RAB3B: variants seen among roughly 807,000 people sequenced by gnomAD.
RAB3B encodes the protein ras-related protein Rab-3B.
Under a neutral mutation model 20.5 loss-of-function variants are expected in RAB3B, and 11 were observed. The observed-to-expected ratio is 0.54, with a 90% CI of 0.34 to 0.89. RAB3B has a LOEUF of 0.89. Among genes scored for constraint, RAB3B ranks in the 40% least tolerant of loss-of-function variants. The pLI is 0.02. For synonymous variants in RAB3B, 99 were observed against 106.3 expected (o/e 0.93, Z 0.42); for missense variants, 225 against 280.9 (o/e 0.80, Z 1.42).
intron 2 of RAB3B, among the ~76,000 whole-genome samples, chr1:51,951,512 T>C (rs1238907270): frequency 1.3e-5 from 2 of 152,200 alleles, no homozygotes; most frequent in African/African-American, 4.8e-5. Flanking sequence ...TCATTGTCAC[T>C]ACTGATTTAC....
chr1:51,935,015 C>T (rs1240184800), intron 3 of RAB3B, among the ~76,000 whole-genome samples: 3 of 152,106 alleles, frequency 2.0e-5, no homozygotes, highest in Non-Finnish European at 1.5e-5. Context: ...ACACCTATTA[C>T]ACTTGGCTGA....
chr1:51,943,140 T>C (rs1408315047), intron 2 of RAB3B, among the ~76,000 whole-genome samples: 2 of 152,074 alleles, frequency 1.3e-5, no homozygotes, highest in African/African-American at 4.8e-5. Context: ...TCATAGCACT[T>C]TGGGAGGCCG....
chr1:51,981,958 TG>T (rs1557978661), intron 1 of RAB3B, among the ~76,000 whole-genome samples: 1 of 152,214 alleles, frequency 6.6e-6, no homozygotes, highest in Admixed American at 6.6e-5. Context: ...CACTTTTTAT[TG>T]TTATTTTAGA....
chr1:51,983,381 C>T (rs1041318565), intron 1 of RAB3B, among the ~76,000 whole-genome samples: 1 of 151,982 alleles, frequency 6.6e-6, no homozygotes, highest in African/African-American at 2.4e-5. Flanking sequence ...TGTTTAGCTA[C>T]ACAAATACTT....
intron 1 of RAB3B, among the ~76,000 whole-genome samples, chr1:51,983,845 AGCTAGTCAGGAG>A (rs1421543134): frequency 6.6e-6 from 1 of 151,930 alleles, no homozygotes; most frequent in Non-Finnish European, 1.5e-5. Context: ...CTGTAATTCC[AGCTAGTCAGGAG>A]GCTGAAGCAC....
intron 1 of RAB3B, among the ~76,000 whole-genome samples, chr1:51,978,791 T>G (rs762585281): frequency 2.6e-5 from 4 of 152,162 alleles, no homozygotes; most frequent in Non-Finnish European, 5.9e-5. Flanking sequence ...ATTCCTGTTT[T>G]TTTCCCCAAG....
At chr1:51,967,521 C>T (rs2809934) in intron 2 of RAB3B, among the ~76,000 whole-genome samples, 520 of 36,234 alleles carry the variant, frequency 0.014, no homozygotes, top group Middle Eastern at 0.05. Context: ...TTTTCTTTTT[C>T]TTTTTTTTTT....
At chr1:51,985,089 A>T (rs1465350990) in intron 1 of RAB3B, among the ~76,000 whole-genome samples, 1 of 152,148 alleles carries the variant, frequency 6.6e-6, no homozygotes, top group Non-Finnish European at 1.5e-5. Flanking sequence ...AGAAAATACC[A>T]CCTACTTCAC....
Position 51,913,154 on chromosome 1 carries a change from A to G in RAB3B, c.*6773T>C, listed in dbSNP as rs145533520. The G allele has an allele frequency of 4.6e-4, 70 of 152,256 alleles. No individual in the cohort carries two copies. Among genetic ancestry groups the G allele is most frequent in the African/African-American group, 1.7e-3 (69 of 41,554 alleles). 9.4% of individuals were successfully genotyped at this position (152,256 alleles called of 1,614,324 possible). On this transcript the variant is annotated 3_prime_UTR_variant, in exon 5 of 5. Transcript: ENST00000371655. ...TCTACGGTGAATCCTGTGAAATGAG[A>G]AGTCAGATTCATCCCTCGGGGATAG... is the stretch of plus-strand genomic sequence containing the variant.
intron 2 of RAB3B, among the ~76,000 whole-genome samples, chr1:51,946,594 C>T (rs899626586): frequency 6.6e-6 from 1 of 152,190 alleles, no homozygotes; most frequent in African/African-American, 2.4e-5. Flanking sequence ...AGCACCACTG[C>T]TCTAGTCTCC....
At chr1:51,957,118 A>G (rs1195123471) in intron 2 of RAB3B, among the ~76,000 whole-genome samples, 1 of 152,162 alleles carries the variant, frequency 6.6e-6, no homozygotes, top group African/African-American at 2.4e-5. Flanking sequence ...AACTGCTGGG[A>G]GATAATCTGT....
At chr1:51,983,571 T>C (rs1358790052) in intron 1 of RAB3B, among the ~76,000 whole-genome samples, 1 of 152,180 alleles carries the variant, frequency 6.6e-6, no homozygotes, top group Non-Finnish European at 1.5e-5. Context: ...AATCGGCTAA[T>C]GACACATCCC....
intron 1 of RAB3B, among the ~76,000 whole-genome samples, chr1:51,985,366 AG>A (rs999818893): frequency 1.3e-5 from 2 of 152,270 alleles, no homozygotes; most frequent in Admixed American, 1.3e-4. Flanking sequence ...AAATCCTTAG[AG>A]GGTGTTATGT....
chr1:51,977,686 TTA>T (rs1226259206), intron 1 of RAB3B, among the ~76,000 whole-genome samples: 3 of 152,058 alleles, frequency 2.0e-5, no homozygotes, highest in African/African-American at 7.2e-5. Context: ...TCAAAAACTA[TTA>T]TGACTCAGGA....
intron 2 of RAB3B, among the ~76,000 whole-genome samples, chr1:51,939,198 A>T (rs1684455368): frequency 6.6e-6 from 1 of 152,234 alleles, no homozygotes; most frequent in Non-Finnish European, 1.5e-5. Context: ...GGGACCAGCC[A>T]ATCTTCTCTA....
Position 51,919,410 on chromosome 1 carries a change from TG to T in RAB3B, c.*516del, listed in dbSNP as rs1455924130. On this transcript the variant is annotated 3_prime_UTR_variant, in exon 5 of 5. Coordinates refer to ENST00000371655, the MANE Select transcript of RAB3B (RefSeq NM_002867.4). ...ACTGCCCAGGCCCTGTGGGCATCCG[TG>T]GTAACAGGCGCAGGGCTTTGAGAGC... 1 of 152,576 alleles carries T rather than the reference TG, an allele frequency of 6.6e-6. No individual in the cohort carries two copies. The highest frequency in any genetic ancestry group is 2.4e-5 in the African/African-American group (1 of 41,454). The allele number at this position is 152,576 out of a possible 1,614,324, so 9.5% of individuals were successfully genotyped here.
At chr1:51,970,889 T>C (rs1334849556) in intron 2 of RAB3B, among the ~76,000 whole-genome samples, 2 of 151,312 alleles carry the variant, frequency 1.3e-5, no homozygotes, top group African/African-American at 4.9e-5. Context: ...CTGGGACCTG[T>C]AGCCCCAGCT....
At chr1:51,980,780 C>T (rs1172990538) in intron 1 of RAB3B, 2 of 752,908 alleles carry the variant, frequency 2.7e-6, no homozygotes, top group Admixed American at 1.7e-5. Flanking sequence ...TGATTTAGAC[C>T]TGTAGGTGCT....
intron 4 of RAB3B, among the ~76,000 whole-genome samples, chr1:51,932,233 T>A (rs988452888): frequency 9.8e-5 from 15 of 152,318 alleles, no homozygotes; most frequent in Non-Finnish European, 7.3e-5. Flanking sequence ...TATCTGTTCT[T>A]CAGAAACTGT....
Sources: gnomAD v4.1 joint callset for allele counts (sites outside exome capture counted in the v4.1 genomes callset) on GRCh38, gnomAD v4.1.1 for gene constraint, MANE v1.5 for transcripts, NCBI Gene and HGNC (gene_info 2026-07-23, HGNC 2026-07-21) for gene names.